TMEM131: variants seen among roughly 807,000 people sequenced by gnomAD.
The protein encoded by TMEM131 is 2610524E03Rik.
In TMEM131, 66 loss-of-function variants were observed where a neutral mutation model predicts 211.6. The ratio of observed to expected loss-of-function variants is 0.31; its 90% CI spans 0.26 to 0.38. TMEM131 has a LOEUF of 0.38. Among genes scored for constraint, TMEM131 ranks in the 10% least tolerant of loss-of-function variants. The probability of loss-of-function intolerance (pLI) is 1.00; values close to 1 mark genes in which losing one functional copy is unlikely to be tolerated. For missense variants in TMEM131, 2,036 were observed against 2,299.3 expected, an observed-to-expected ratio of 0.89 and a Z score of 2.34; for synonymous variants, 844 against 841.3, an observed-to-expected ratio of 1.00 and a Z score of -0.06.
At chr2:97,838,228 AT>A (rs1373218294) in intron 7 of TMEM131, among the ~76,000 whole-genome samples, 1 of 152,064 alleles carries the variant, frequency 6.6e-6, no homozygotes, top group Non-Finnish European at 1.5e-5. Flanking sequence ...TATACACAAA[AT>A]GGGTCACAAG....
chr2:97,789,981 C>G (rs1680425082), intron 31 of TMEM131, among the ~76,000 whole-genome samples: 1 of 152,162 alleles, frequency 6.6e-6, no homozygotes, highest in South Asian at 2.1e-4. Context: ...GAGATAAACA[C>G]ATTCACTTGA....
chr2:97,977,536 G>C (rs1292869658), intron 1 of TMEM131, among the ~76,000 whole-genome samples: 2 of 152,184 alleles, frequency 1.3e-5, no homozygotes, highest in Non-Finnish European at 2.9e-5. Flanking sequence ...AATAAAGCAA[G>C]TCAGGTAAGT....
chr2:97,853,376 C>G (rs956665311), intron 5 of TMEM131, among the ~76,000 whole-genome samples: 2 of 148,570 alleles, frequency 1.3e-5, no homozygotes, highest in African/African-American at 2.5e-5. Flanking sequence ...GGGTGGATCA[C>G]CTGAAGTCAG....
At chr2:97,823,006 C>T (rs1298825789) in intron 11 of TMEM131, among the ~76,000 whole-genome samples, 1 of 152,128 alleles carries the variant, frequency 6.6e-6, no homozygotes. Flanking sequence ...TACTATCCTG[C>T]AGCTTGACCT....
chr2:97,850,789 T>C (rs1438630618), intron 5 of TMEM131, among the ~76,000 whole-genome samples: 1 of 152,206 alleles, frequency 6.6e-6, no homozygotes, highest in Non-Finnish European at 1.5e-5. Context: ...AGTTCTAGTG[T>C]CAATGAAGAG....
intron 1 of TMEM131, among the ~76,000 whole-genome samples, chr2:97,965,297 C>T (rs1287857101): frequency 6.6e-6 from 1 of 152,152 alleles, no homozygotes; most frequent in Non-Finnish European, 1.5e-5. Flanking sequence ...TTTTCCTCAT[C>T]GCTTCGTACC....
intron 5 of TMEM131, among the ~76,000 whole-genome samples, chr2:97,847,715 A>T (rs1683514707): frequency 6.6e-6 from 1 of 152,198 alleles, no homozygotes; most frequent in African/African-American, 2.4e-5. Context: ...ACTGATAGAA[A>T]AACTGATGAA....
At chr2:97,935,531 A>T (rs1677405473) in intron 1 of TMEM131, among the ~76,000 whole-genome samples, 1 of 152,214 alleles carries the variant, frequency 6.6e-6, no homozygotes, top group Admixed American at 6.5e-5. Flanking sequence ...AAATGGGTTA[A>T]TATTTATAAT....
intron 19 of TMEM131, among the ~76,000 whole-genome samples, chr2:97,807,039 A>C (rs560476286): frequency 6.6e-6 from 1 of 152,380 alleles, no homozygotes; most frequent in African/African-American, 2.4e-5. Flanking sequence ...GCTCACAGAT[A>C]TAAATGCTGC....
chr2:97,850,820 T>C (rs1368574780), intron 5 of TMEM131, among the ~76,000 whole-genome samples: 1 of 152,206 alleles, frequency 6.6e-6, no homozygotes, highest in Non-Finnish European at 1.5e-5. Flanking sequence ...CCTATGTTTA[T>C]TACTGAAAAT....
chr2:97,880,627 C>G (rs557120735), intron 4 of TMEM131, among the ~76,000 whole-genome samples: 1 of 151,960 alleles, frequency 6.6e-6, no homozygotes, highest in African/African-American at 2.4e-5. Context: ...ACTGTGGTAC[C>G]GTTCATGGAC....
At chr2:97,943,037 A>AAAAGAAAG (rs71394401) in intron 1 of TMEM131, among the ~76,000 whole-genome samples, 2,579 of 65,746 alleles carry the variant, frequency 0.039, 78 homozygotes, top group East Asian at 0.092. Context: ...AAAAGAAAAG[A>AAAAGAAAG]AAAGAAAGAA....
rs573076807 is a variant in TMEM131, at chr2:97,989,735, G to A, written c.187+5741C>T. 7.2e-5 allele frequency among the ~76,000 whole-genome samples: 11 copies of A among 152,148 alleles called. No homozygotes were observed. The East Asian group carries it at 1.7e-3, about 24-fold the overall frequency. On this transcript the variant is annotated intron_variant, in intron 1 of 40. Coordinates refer to ENST00000186436, the MANE Select transcript of TMEM131 (RefSeq NM_015348.2). The stretch of plus-strand genomic sequence containing the variant: ...AAACATCAAACCTCTGCCCTAAAAC[G>A]GCAGAGTTGTATGCAACAAAATCAA...
At chr2:97,980,929 T>C (rs572137843) in intron 1 of TMEM131, among the ~76,000 whole-genome samples, 53 of 147,426 alleles carry the variant, frequency 3.6e-4, no homozygotes, top group African/African-American at 1.2e-3. Flanking sequence ...TATATGGAGA[T>C]AGCACAGGTT....
chr2:97,875,820 C>A (rs1309235960), intron 4 of TMEM131, among the ~76,000 whole-genome samples: 1 of 151,848 alleles, frequency 6.6e-6, no homozygotes, highest in African/African-American at 2.4e-5. Flanking sequence ...AGAGAAGCAA[C>A]AGCAAAAAAA....
intron 5 of TMEM131, among the ~76,000 whole-genome samples, chr2:97,846,812 T>C (rs1353273186): frequency 1.3e-5 from 2 of 152,142 alleles, no homozygotes; most frequent in Non-Finnish European, 2.9e-5. Context: ...TGGTGAATGA[T>C]TGAATGCTTT....
At position 97,871,849 on chromosome 2, in the gene TMEM131, T is replaced by C. The variant is rs113082954; in HGVS notation, c.360-12422A>G. 2.7e-3 allele frequency among the ~76,000 whole-genome samples: 417 copies of C among 152,214 alleles called. 17 individuals are homozygous for C. The East Asian group carries it at 0.072, about 26-fold the overall frequency. On this transcript the variant is annotated intron_variant, in intron 4 of 40. Coordinates refer to ENST00000186436, the MANE Select transcript of TMEM131 (RefSeq NM_015348.2). The stretch of plus-strand genomic sequence containing the variant: ...ATGGTCTCAGTGAACTGGTTTTGTC[T>C]GTATAGCAGGCAGGAAGAATCCATC...
intron 1 of TMEM131, among the ~76,000 whole-genome samples, chr2:97,994,949 T>C (rs6736475): frequency 0.025 from 3,756 of 152,270 alleles, 166 homozygotes; most frequent in African/African-American, 0.087. Context: ...AAGAGTTAAA[T>C]GGAATTGTAT....
chr2:97,906,043 C>T (rs375104378), intron 3 of TMEM131, among the ~76,000 whole-genome samples: 4 of 152,140 alleles, frequency 2.6e-5, no homozygotes, highest in East Asian at 1.9e-4. Flanking sequence ...GTCTTATAAA[C>T]GGATGCTGTA....
Sources: gnomAD v4.1 joint callset for allele counts (sites outside exome capture counted in the v4.1 genomes callset) on GRCh38, gnomAD v4.1.1 for gene constraint, MANE v1.5 for transcripts, NCBI Gene and HGNC (gene_info 2026-07-23, HGNC 2026-07-21) for gene names.